The following TENM4 variants were observed in gnomAD, a reference collection of about 807,000 sequenced individuals.
The protein encoded by TENM4 is teneurin transmembrane protein 4, also known as teneurin-4.
TENM4 carries 82 observed loss-of-function variants against 243.3 expected under a neutral mutation model. The ratio of observed to expected loss-of-function variants is 0.34; its 90% CI spans 0.28 to 0.40. The LOEUF is 0.40. Ranked by LOEUF, TENM4 falls within the 10% of genes least tolerant of loss-of-function variation. The pLI, the probability that TENM4 is intolerant of heterozygous loss-of-function variation, is 1.00. For missense variants in TENM4, 3,138 were observed against 3,673.3 expected (o/e 0.85, Z 3.77); for synonymous variants, 1,412 against 1,456.3 (o/e 0.97, Z 0.69).
chr11:78,957,696 A>C (rs1265682377), intron 6 of TENM4, among the ~76,000 whole-genome samples: 2 of 152,226 alleles, frequency 1.3e-5, no homozygotes, highest in Non-Finnish European at 2.9e-5. Context: ...CAAGGCAGTA[A>C]GGACCCAGTG....
In TENM4 at chr11:79,161,046, G is replaced by A. The variant is rs749514130; in HGVS notation, c.-162-12240C>T. 3.1e-4 allele frequency among the ~76,000 whole-genome samples: 47 copies of A among 152,278 alleles called. 1 individual carries two copies. Among genetic ancestry groups the A allele is most frequent in the South Asian group, 4.1e-4 (2 of 4,820 alleles). On this transcript the variant is annotated intron_variant, in intron 3 of 33. Transcript: ENST00000278550. Reference sequence around the variant, plus strand: ...TTTTAGTGAGCCATCTTTGTCTCTGGGGTTAAGGGCATCTTGAACAGCATG... The same window carrying A: ...TTTTAGTGAGCCATCTTTGTCTCTGAGGTTAAGGGCATCTTGAACAGCATG...
rs1855660986 is a variant in TENM4 at position 78,891,333 on chromosome 11, G to C, written c.753C>G (p.Asn251Lys). ...TCCCTAGGAATGGCTGCTTGCCTAG[G>C]TTTCTACGCACACATGGAGACATGA... ...LNSNIPLETR[N>K]LGKQPFLGTL... Residue 251 changes from asparagine to lysine, a missense_variant, in exon 8 of 34, where the codon AAC becomes AAG. By Grantham distance (94) the Asn-to-Lys change is moderately conservative (BLOSUM62 0). Coordinates refer to ENST00000278550, the MANE Select transcript of TENM4 (RefSeq NM_001098816.3). 1 of 1,551,318 alleles carries C rather than the reference G, an allele frequency of 6.4e-7. No homozygotes were observed. Among genetic ancestry groups the C allele is most frequent in the African/African-American group, 1.4e-5 (1 of 73,048 alleles).
intron 6 of TENM4, among the ~76,000 whole-genome samples, chr11:78,959,497 G>T (rs1278836905): frequency 6.6e-6 from 1 of 152,092 alleles, no homozygotes; most frequent in African/African-American, 2.4e-5. Context: ...CCTGGTTTTG[G>T]GTTTCAGGAG....
chr11:79,361,243 T>C (rs1857583555), intron 1 of TENM4, among the ~76,000 whole-genome samples: 1 of 152,238 alleles, frequency 6.6e-6, no homozygotes, highest in African/African-American at 2.4e-5. Context: ...TGTCTTTAGC[T>C]GGAAAGGGAT....
At chr11:79,370,365 A>T (rs1183073570) in intron 1 of TENM4, among the ~76,000 whole-genome samples, 3 of 152,226 alleles carry the variant, frequency 2.0e-5, no homozygotes, top group Non-Finnish European at 4.4e-5. Flanking sequence ...TGGAGTAGAG[A>T]TGGGGGCTGC....
chr11:78,910,508 C>T (rs1193994984), intron 6 of TENM4, among the ~76,000 whole-genome samples: 5 of 152,200 alleles, frequency 3.3e-5, no homozygotes, highest in Non-Finnish European at 5.9e-5. Context: ...AGTCAGCAGT[C>T]GGAATCTGAT....
chr11:79,239,044 C>CAA (rs1406450155), intron 2 of TENM4, among the ~76,000 whole-genome samples: 2 of 152,000 alleles, frequency 1.3e-5, no homozygotes, highest in Admixed American at 6.6e-5. Context: ...AACAAACAAA[C>CAA]ACGCAAAAAG....
intron 4 of TENM4, among the ~76,000 whole-genome samples, chr11:79,142,304 TA>T: frequency 6.6e-6 from 1 of 152,078 alleles, no homozygotes; most frequent in Non-Finnish European, 1.5e-5. Context: ...AAAATCAATG[TA>T]AAAATATCAG....
intron 6 of TENM4, among the ~76,000 whole-genome samples, chr11:78,957,909 T>C (rs1356850701): frequency 1.3e-5 from 2 of 152,194 alleles, no homozygotes; most frequent in Non-Finnish European, 2.9e-5. Flanking sequence ...TCTTATCTTC[T>C]TCAAACTCCT....
At chr11:78,707,232 C>T (rs1859279381) in intron 27 of TENM4, among the ~76,000 whole-genome samples, 1 of 152,218 alleles carries the variant, frequency 6.6e-6, no homozygotes. Context: ...ACTCAATGCT[C>T]CTGATTTCCC....
chr11:78,801,600 A>G (rs73498543), intron 15 of TENM4, among the ~76,000 whole-genome samples: 6,157 of 152,234 alleles, frequency 0.04, 378 homozygotes, highest in African/African-American at 0.13. Flanking sequence ...CTGGTTGTTG[A>G]GTGCAGGGCA....
Position 78,658,832 on chromosome 11 carries a change from AGT to A in TENM4, c.7552-18_7552-17del, listed in dbSNP as rs780203782. 3.8e-6 allele frequency: 6 copies of A among 1,599,044 alleles called. No homozygotes were observed. The highest frequency in any genetic ancestry group is 4.3e-6 in the Non-Finnish European group (5 of 1,169,862). On this transcript the variant is annotated splice_polypyrimidine_tract_variant and intron_variant, in intron 33 of 33. Coordinates refer to ENST00000278550, the MANE Select transcript of TENM4 (RefSeq NM_001098816.3). ...CGAGGATAGACTGATGGGGGAGGAG[AGT>A]GAGAGAGAGAGTAAGACAAAGGGGA...
chr11:78,702,991 G>C (rs556950388), intron 27 of TENM4, among the ~76,000 whole-genome samples: 3 of 152,328 alleles, frequency 2.0e-5, no homozygotes, highest in South Asian at 2.1e-4. Flanking sequence ...CTAGCTGCTA[G>C]AGACATAAAG....
At chr11:78,900,247 CT>C (rs1855898510) in intron 7 of TENM4, among the ~76,000 whole-genome samples, 1 of 152,302 alleles carries the variant, frequency 6.6e-6, no homozygotes, top group African/African-American at 2.4e-5. Context: ...CAGAAAGTGA[CT>C]TTTATTTTCT....
intron 1 of TENM4, among the ~76,000 whole-genome samples, chr11:79,388,759 A>G (rs920283641): frequency 1.3e-5 from 2 of 152,224 alleles, no homozygotes; most frequent in Non-Finnish European, 2.9e-5. Context: ...CAAGAGGTAA[A>G]TGAGCAATTC....
chr11:78,903,564 G>T (rs1565118734), intron 6 of TENM4, 41 bp from the exon 7 acceptor site: 9 of 1,540,164 alleles, frequency 5.8e-6, no homozygotes, highest in Non-Finnish European at 7.9e-6. Context: ...TGAGCTTGGT[G>T]CTGCCCCTCG....
intron 30 of TENM4, 43 bp downstream of exon 30, chr11:78,676,109 T>G (rs1435826182): frequency 2.1e-6 from 3 of 1,430,532 alleles, no homozygotes; most frequent in South Asian, 2.9e-5. Context: ...CGTTCCCCAT[T>G]CTTTCCCCCC....
intron 31 of TENM4, among the ~76,000 whole-genome samples, chr11:78,670,854 A>G (rs1365163564): frequency 1.3e-5 from 2 of 152,192 alleles, no homozygotes; most frequent in Non-Finnish European, 2.9e-5. Flanking sequence ...TTGCTGTCCT[A>G]TGGTGAGCAG....
At chr11:79,106,877 C>T (rs1861383432) in intron 4 of TENM4, among the ~76,000 whole-genome samples, 3 of 152,188 alleles carry the variant, frequency 2.0e-5, no homozygotes. Flanking sequence ...TGAAGAACAG[C>T]ATGAATATTT....
Sources: allele counts gnomAD v4.1 joint callset (sites outside exome capture counted in the v4.1 genomes callset), GRCh38; gene constraint gnomAD v4.1.1; transcripts MANE v1.5; gene names NCBI Gene and HGNC (gene_info 2026-07-23, HGNC 2026-07-21).